Variants in ZNF76 observed in about 807,000 individuals in gnomAD.
ZNF76 encodes zinc finger protein 523.
ZNF76 carries 66 observed loss-of-function variants against 66.9 expected under a neutral mutation model. The ratio of observed to expected loss-of-function variants is 0.99; its 90% confidence interval spans 0.81 to 1.21. The LOEUF is 1.21. Among genes scored for constraint, ZNF76 ranks in the 50% most tolerant of loss-of-function variants. The pLI is 0.00. For synonymous variants in ZNF76, 275 were observed against 296.1 expected, an observed-to-expected ratio of 0.93 and a Z score of 0.73; for missense variants, 729 against 760.3, an observed-to-expected ratio of 0.96 and a Z score of 0.48.
In ZNF76 at chr6:35,294,476, G is replaced by A; in HGVS notation, c.1515G>A (p.Gly505=). The stretch of plus-strand genomic sequence containing the variant: ...TTCAGGTCACAATCATTACCTCTGG[G>A]GCTGTGGTGGCTGAGGACTCAAGTG... ...QTQPVTIITS[G]AVVAEDSSVA... The change falls in exon 13 of 14, where the codon GGG becomes GGA. Residue 505 remains glycine (G), a synonymous_variant. Transcript: ENST00000373953. 2 of 1,613,862 alleles carry A rather than the reference G, an allele frequency of 1.2e-6. No individual in the cohort carries two copies. The highest frequency in any genetic ancestry group is 1.7e-6 in the Non-Finnish European group (2 of 1,179,884).
rs759048835 is a variant in ZNF76, at chr6:35,286,205, A to G, written c.151A>G (p.Lys51Glu). 5.0e-6 allele frequency: 8 copies of G among 1,614,016 alleles called. No individual in the cohort carries two copies. Among genetic ancestry groups the G allele is most frequent in the Middle Eastern group, 3.3e-4 (2 of 6,084 alleles). Reference sequence around the variant, plus strand: ...ATACATTCACCAGGTGACGGTACAGAAAGGTGAGGGCACCCCAACACACCA... The same window carrying G: ...ATACATTCACCAGGTGACGGTACAGGAAGGTGAGGGCACCCCAACACACCA... ...TAYIHQVTVQ[K>E]EALSFEDGQP... Residue 51 changes from lysine (K) to glutamate (E), a missense_variant, in exon 3 of 14, where the codon AAA becomes GAA. Coordinates refer to ENST00000373953, the MANE Select transcript of ZNF76 (RefSeq NM_003427.5).
chr6:35,278,015 C>T (rs1434303839), intron 1 of ZNF76, among the ~76,000 whole-genome samples: 2 of 151,940 alleles, frequency 1.3e-5, no homozygotes, highest in Admixed American at 1.3e-4. Context: ...GCCCTCCACG[C>T]CCGGCTAATT....
rs796452623 is a variant in ZNF76 at position 35,265,520 on chromosome 6, A to G, written c.-97+5679A>G. On this transcript the variant is annotated intron_variant, in intron 1 of 13. Coordinates refer to ENST00000373953, the MANE Select transcript of ZNF76 (RefSeq NM_003427.5). ...AGACTCTGTCTCAAAAAAAAAAAAAAAAGAAGAAGAAGAAGAAGAAAATGC... is the reference window on the plus strand; with the variant it reads ...AGACTCTGTCTCAAAAAAAAAAAAAGAAGAAGAAGAAGAAGAAGAAAATGC... Among the ~76,000 whole-genome samples the G allele has an allele frequency of 6.3e-4, 94 of 149,278 alleles. No individual in the cohort carries two copies. The South Asian group carries it at 9.4e-3, about 15-fold the overall frequency.
intron 1 of ZNF76, among the ~76,000 whole-genome samples, chr6:35,277,012 T>A (rs1327651280): frequency 6.6e-6 from 1 of 151,476 alleles, no homozygotes; most frequent in Non-Finnish European, 1.5e-5. Flanking sequence ...TTGGTCAGGC[T>A]GGTCTCGAAC....
intron 7 of ZNF76, 134 bp downstream of exon 7, chr6:35,290,850 G>C: frequency 1.2e-6 from 1 of 834,988 alleles, no homozygotes; most frequent in Non-Finnish European, 1.9e-6. Context: ...CTTGCAGGGT[G>C]CTCTCTCTGG....
chr6:35,293,940 G>T, intron 12 of ZNF76, 25 bp downstream of exon 12: 10 of 1,610,830 alleles, frequency 6.2e-6, no homozygotes, highest in Non-Finnish European at 8.5e-6. Context: ...TTTGCTTGGG[G>T]TTTCTTATTT....
Position 35,295,418 on chromosome 6 carries a change from C to T in ZNF76, c.*170C>T. Reference sequence around the variant, plus strand: ...AACTGAAGGGAATGGGGGCCCTGCTCAAGAAGGGGGCCAGGCAGCTGGAAT... The same window carrying T: ...AACTGAAGGGAATGGGGGCCCTGCTTAAGAAGGGGGCCAGGCAGCTGGAAT... On this transcript the variant is annotated 3_prime_UTR_variant, in exon 14 of 14. Transcript: ENST00000373953. 1 of 677,440 alleles carries T rather than the reference C, an allele frequency of 1.5e-6. No homozygotes were observed. The highest frequency in any genetic ancestry group is 1.6e-5 in the South Asian group (1 of 64,494). The allele number at this position is 677,440 out of a possible 1,614,324, so 42.0% of individuals were successfully genotyped here.
chr6:35,276,884 C>T (rs1173408688), intron 1 of ZNF76, among the ~76,000 whole-genome samples: 1 of 150,318 alleles, frequency 6.7e-6, no homozygotes, highest in African/African-American at 2.5e-5. Flanking sequence ...GCAACCTCCG[C>T]CTCCTGGGTC....
At chr6:35,290,587 G>A (rs917333247) in intron 6 of ZNF76, 54 bp from the exon 7 acceptor site, 8 of 1,601,706 alleles carry the variant, frequency 5.0e-6, no homozygotes, top group Non-Finnish European at 6.8e-6. Flanking sequence ...GAAAACCAAA[G>A]AGCCCTGGTC....
intron 1 of ZNF76, among the ~76,000 whole-genome samples, chr6:35,270,202 T>A (rs1286177899): frequency 1.3e-5 from 2 of 152,200 alleles, no homozygotes; most frequent in African/African-American, 4.8e-5. Flanking sequence ...AGTGGTGCAA[T>A]CTTGGCTCAC....
At chr6:35,279,327 C>G (rs567112880) in intron 1 of ZNF76, 10 of 164,546 alleles carry the variant, frequency 6.1e-5, no homozygotes, top group African/African-American at 2.4e-4. Context: ...AGTTTGCTGC[C>G]AGCAGTCAGT....
chr6:35,290,801 G>A, intron 7 of ZNF76, 85 bp downstream of exon 7: 7 of 1,324,220 alleles, frequency 5.3e-6, no homozygotes, highest in Non-Finnish European at 7.6e-6. Flanking sequence ...CCCAACACCA[G>A]GCTGCTTTCC....
chr6:35,282,153 AC>A, intron 2 of ZNF76, among the ~76,000 whole-genome samples: 1 of 152,110 alleles, frequency 6.6e-6, no homozygotes, highest in East Asian at 1.9e-4. Context: ...ACATACATAT[AC>A]CCCTTATAAG....
chr6:35,273,722 CAAAAAA>C (rs35149897), intron 1 of ZNF76, among the ~76,000 whole-genome samples: 4 of 130,154 alleles, frequency 3.1e-5, no homozygotes, highest in Admixed American at 2.3e-4. Context: ...CTCCATCTCA[CAAAAAA>C]AAAAAAAAAA....
rs1246380561 is a variant in ZNF76, at chr6:35,291,583, T to G, written c.777T>G (p.Phe259Leu). ...HTGERPFQCP[F>L]EGCGRSFTTS... ...GTGAACGCCCGTTCCAGTGCCCTTT[T>G]GAGGGCTGTGGCCGCTCCTTCACCA... The change falls in exon 9 of 14, where the codon TTT (phenylalanine) becomes TTG (leucine). Residue 259 changes from phenylalanine to leucine, a missense_variant. Physicochemically the swap from Phe to Leu is conservative, Grantham distance 22. Transcript: ENST00000373953. 2 of 1,613,982 alleles carry G rather than the reference T, an allele frequency of 1.2e-6. No homozygotes were observed. The highest frequency in any genetic ancestry group is 2.2e-5 in the East Asian group (1 of 44,870).
intron 1 of ZNF76, among the ~76,000 whole-genome samples, chr6:35,278,534 A>T (rs749922624): frequency 1.3e-5 from 2 of 152,232 alleles, no homozygotes; most frequent in African/African-American, 2.4e-5. Context: ...CTGCAATGCA[A>T]TGTACAAATA....
chr6:35,286,004 T>C (rs1343870685), intron 2 of ZNF76, 124 bp from the exon 3 acceptor site: 1 of 842,888 alleles, frequency 1.2e-6, no homozygotes, highest in Non-Finnish European at 2.0e-6. Context: ...AGGAAGATGT[T>C]ACCCATGCTT....
chr6:35,288,159 G>T (rs770360182), intron 5 of ZNF76: 1 of 563,476 alleles, frequency 1.8e-6, no homozygotes, highest in South Asian at 1.5e-5. Context: ...GAGGAGTTAG[G>T]CCCAGCTTCA....
intron 6 of ZNF76, 38 bp downstream of exon 6, chr6:35,290,420 T>TGGGAGCCG (rs1790205155): frequency 1.2e-6 from 2 of 1,608,206 alleles, no homozygotes; most frequent in East Asian, 4.5e-5. Context: ...CTCTGCAGTC[T>TGGGAGCCG]TCCCTCCCAG....
Sources: gnomAD v4.1 joint callset for allele counts (sites outside exome capture counted in the v4.1 genomes callset) on GRCh38, gnomAD v4.1.1 for gene constraint, MANE v1.5 for transcripts, NCBI Gene and HGNC (gene_info 2026-07-23, HGNC 2026-07-21) for gene names.